The following KIT variants were observed in gnomAD, a reference collection of about 807,000 sequenced individuals.
KIT encodes the protein KIT proto-oncogene, receptor tyrosine kinase.
Under a neutral mutation model 105.7 loss-of-function variants are expected in KIT, and 16 were observed. That is an observed-to-expected ratio of 0.15 (90% CI 0.10 to 0.23). The LOEUF (loss-of-function observed/expected upper bound fraction) is 0.23. Among genes scored for constraint, KIT ranks in the 10% least tolerant of loss-of-function variants. The probability of loss-of-function intolerance (pLI) is 1.00; values close to 1 mark genes in which losing one functional copy is unlikely to be tolerated. For synonymous variants in KIT, 438 were observed against 441.1 expected, an observed-to-expected ratio of 0.99 and a Z score of 0.09; for missense variants, 858 against 1,213.8, an observed-to-expected ratio of 0.71 and a Z score of 4.36.
intron 1 of KIT, among the ~76,000 whole-genome samples, chr4:54,688,216 G>A (rs1351204708): frequency 6.6e-6 from 1 of 152,160 alleles, no homozygotes; most frequent in Non-Finnish European, 1.5e-5. Flanking sequence ...GGTGTTGTGG[G>A]CGATTACTGG....
chr4:54,695,878 T>C, intron 2 of KIT, 97 bp downstream of exon 2: 1 of 1,455,730 alleles, frequency 6.9e-7, no homozygotes, highest in Non-Finnish European at 9.5e-7. Flanking sequence ...ATAGATAAAA[T>C]ATTTCTGGCT....
chr4:54,677,673 T>C (rs1718579303), intron 1 of KIT, among the ~76,000 whole-genome samples: 1 of 152,224 alleles, frequency 6.6e-6, no homozygotes, highest in Admixed American at 6.5e-5. Flanking sequence ...AGATACGCAC[T>C]CCTTTGCCTT....
chr4:54,702,524 AT>A (rs1343603869), intron 4 of KIT, among the ~76,000 whole-genome samples: 2 of 151,792 alleles, frequency 1.3e-5, no homozygotes, highest in Non-Finnish European at 2.9e-5. Context: ...ATTTTTTCAT[AT>A]TTTTTCTCTT....
chr4:54,725,712 G>A (rs1378988107), intron 8 of KIT, 145 bp from the exon 9 acceptor site: 2 of 795,658 alleles, frequency 2.5e-6, no homozygotes, highest in Non-Finnish European at 4.2e-6. Context: ...TCACCAAAGT[G>A]CTTATTCTTA....
At chr4:54,680,286 A>G (rs1043041746) in intron 1 of KIT, among the ~76,000 whole-genome samples, 3 of 148,584 alleles carry the variant, frequency 2.0e-5, no homozygotes, top group Admixed American at 1.3e-4. Flanking sequence ...CCTCTCACTT[A>G]TCTGTGTTTC....
At chr4:54,659,568 A>G (rs896956628) in intron 1 of KIT, among the ~76,000 whole-genome samples, 8 of 152,006 alleles carry the variant, frequency 5.3e-5, no homozygotes, top group Admixed American at 4.6e-4. Context: ...ACTTGTAACT[A>G]TTGTGAGGGC....
chr4:54,680,719 C>T (rs1718848981), intron 1 of KIT, among the ~76,000 whole-genome samples: 1 of 152,048 alleles, frequency 6.6e-6, no homozygotes, highest in Non-Finnish European at 1.5e-5. Context: ...AACTCCATTT[C>T]CCCTCCTGAG....
intron 7 of KIT, among the ~76,000 whole-genome samples, chr4:54,710,142 C>T (rs1721051645): frequency 6.6e-6 from 1 of 152,216 alleles, no homozygotes; most frequent in African/African-American, 2.4e-5. Context: ...CGACCCCACT[C>T]CTGCAGCCCA....
rs1422249591 is a variant in KIT at position 54,740,302 on chromosome 4, G to C, written c.*1745G>C. 1 of 233,412 alleles carries C rather than the reference G, an allele frequency of 4.3e-6. No homozygotes were observed. Among genetic ancestry groups the C allele is most frequent in the East Asian group, 6.0e-5 (1 of 16,558 alleles). 14.5% of individuals were successfully genotyped at this position (233,412 alleles called of 1,614,324 possible). Reference sequence around the variant, plus strand: ...GATTGTTGTTTGCCATACTTTGTCTGAAAAATTCCTTTGTGTTTCTATTGA... The same window carrying C: ...GATTGTTGTTTGCCATACTTTGTCTCAAAAATTCCTTTGTGTTTCTATTGA... On this transcript the variant is annotated 3_prime_UTR_variant, in exon 21 of 21. Coordinates refer to ENST00000288135, the MANE Select transcript of KIT (RefSeq NM_000222.3).
chr4:54,726,188 C>G (rs1722207995), intron 9 of KIT, 138 bp downstream of exon 9: 1 of 736,470 alleles, frequency 1.4e-6, no homozygotes. Flanking sequence ...ATCAAACTCA[C>G]TAAGTTTCAT....
chr4:54,699,700 A>AG lies in KIT; in HGVS notation c.691dup (p.Val231GlyfsTer10). Reference sequence around the variant, plus strand: ...TTCTTAGGGAAGGGGAAGAATTCACAGTGACGTGCACAATAAAAGATGTGT... The same window carrying AG: ...TTCTTAGGGAAGGGGAAGAATTCACAGGTGACGTGCACAATAAAAGATGTGT... On this transcript the variant is annotated frameshift_variant, in exon 4 of 21. Transcript: ENST00000288135. LOFTEE classifies it high-confidence loss of function. 6.2e-7 allele frequency: 1 copy of AG among 1,614,030 alleles called. No individual in the cohort carries two copies. The highest frequency in any genetic ancestry group is 8.5e-7 in the Non-Finnish European group (1 of 1,179,904).
Position 54,707,137 on chromosome 4 carries a change from C to T in KIT, c.965C>T (p.Thr322Ile), listed in dbSNP as rs1720839223. 6.4e-7 allele frequency: 1 copy of T among 1,571,514 alleles called. No homozygotes were observed. The highest frequency in any genetic ancestry group is 8.8e-7 in the Non-Finnish European group (1 of 1,141,526). ...AATATCTTCCCCATGATAAACACTA[C>T]AGTATTTGTAAACGATGGAGAAAAT... ...FINIFPMINTTVFVNDGENVD... is the reference protein window; with the variant it reads ...FINIFPMINTIVFVNDGENVD... The change falls in exon 6 of 21, where the codon ACA (threonine) becomes ATA (isoleucine). Residue 322 changes from threonine to isoleucine, a missense_variant. Thr to Ile is a moderately conservative substitution (Grantham distance 89). Around this residue, in one of 7 missense-constraint regions of KIT, gnomAD observed 401 missense variants for 601.0 expected, o/e 0.67. Transcript: ENST00000288135.
chr4:54,686,150 C>T (rs533821200), intron 1 of KIT, among the ~76,000 whole-genome samples: 10 of 152,030 alleles, frequency 6.6e-5, no homozygotes, highest in Non-Finnish European at 1.3e-4. Flanking sequence ...TTTCTCTGTT[C>T]TGTGATTCCC....
intron 1 of KIT, among the ~76,000 whole-genome samples, chr4:54,666,431 C>T (rs547639357): frequency 8.5e-5 from 13 of 152,266 alleles, no homozygotes; most frequent in African/African-American, 3.1e-4. Context: ...AGGCGCACGC[C>T]ACCATGCCCA....
rs2109520092 is a variant in KIT at position 54,657,965 on chromosome 4, G to A, written c.-50G>A. On this transcript the variant is annotated 5_prime_UTR_variant, in exon 1 of 21. Coordinates refer to ENST00000288135, the MANE Select transcript of KIT (RefSeq NM_000222.3). Reference sequence around the variant, plus strand: ...GCTTTGCCGCGCTCGCTGCACTTGGGCGAGAGCTGGAACGTGGACCAGAGC... The same window carrying A: ...GCTTTGCCGCGCTCGCTGCACTTGGACGAGAGCTGGAACGTGGACCAGAGC... The A allele has an allele frequency of 6.3e-6, 10 of 1,590,602 alleles. No individual in the cohort carries two copies. The highest frequency in any genetic ancestry group is 8.6e-6 in the Non-Finnish European group (10 of 1,161,164).
In KIT at chr4:54,739,392, A is replaced by G. The variant is rs1362708891; in HGVS notation, c.*835A>G. ...TAATACCATTTTTTAAGGAAACAAT[A>G]TAACCACAAAGCACAGTTTGAACAA... On this transcript the variant is annotated 3_prime_UTR_variant, in exon 21 of 21. Coordinates refer to ENST00000288135, the MANE Select transcript of KIT (RefSeq NM_000222.3). 1.7e-5 allele frequency: 4 copies of G among 233,554 alleles called. No homozygotes were observed. The highest frequency in any genetic ancestry group is 8.8e-5 in the African/African-American group (4 of 45,352). The allele number at this position is 233,554 out of a possible 1,614,324, so 14.5% of individuals were successfully genotyped here.
intron 5 of KIT, among the ~76,000 whole-genome samples, chr4:54,706,406 T>C (rs569484570): frequency 1.2e-4 from 18 of 152,190 alleles, no homozygotes; most frequent in Middle Eastern, 3.4e-3. Flanking sequence ...AGCTAAACAT[T>C]TTTTCTACAT....
chr4:54,700,022 ATTAC>A (rs1266936922), intron 4 of KIT, among the ~76,000 whole-genome samples: 1 of 152,222 alleles, frequency 6.6e-6, no homozygotes, highest in East Asian at 1.9e-4. Context: ...GATTCATGTT[ATTAC>A]TTCATGCTGT....
chr4:54,699,359 G>C (rs1333314860), intron 3 of KIT, among the ~76,000 whole-genome samples: 2 of 152,018 alleles, frequency 1.3e-5, no homozygotes, highest in Non-Finnish European at 2.9e-5. Flanking sequence ...CTATGCTAGG[G>C]CTTCTACTTG....
Sources: allele counts gnomAD v4.1 joint callset (sites outside exome capture counted in the v4.1 genomes callset), GRCh38; gene constraint gnomAD v4.1.1; regional missense constraint gnomAD v4.1.1; transcripts MANE v1.5; gene names NCBI Gene and HGNC (gene_info 2026-07-23, HGNC 2026-07-21).